The following STARD3NL variants were observed in gnomAD, a reference collection of about 807,000 sequenced individuals.
STARD3NL encodes STARD3 N-terminal-like protein.
Under a neutral mutation model 30.9 loss-of-function variants are expected in STARD3NL, and 17 were observed. That is an observed-to-expected ratio of 0.55 (90% CI 0.38 to 0.82). STARD3NL has a LOEUF of 0.82. Among genes scored for constraint, STARD3NL ranks in the 40% least tolerant of loss-of-function variants. The pLI, the probability that STARD3NL is intolerant of heterozygous loss-of-function variation, is 0.00. For missense variants in STARD3NL, 234 were observed against 277.6 expected, an observed-to-expected ratio of 0.84 and a Z score of 1.12; for synonymous variants, 112 against 100.5, an observed-to-expected ratio of 1.11 and a Z score of -0.69.
In STARD3NL at chr7:38,215,100, A is replaced by G. The variant is rs574853669; in HGVS notation, c.376A>G (p.Ile126Val). Reference sequence around the variant, plus strand: ...GTGCAGACTGCGCCATTGGTGGGCAATAGCGGTGAGTATGCCCTGCATGAG... The same window carrying G: ...GTGCAGACTGCGCCATTGGTGGGCAGTAGCGGTGAGTATGCCCTGCATGAG... The part of the protein sequence containing the change: ...AVCRLRHWWA[I>V]ALTTAVTSAF... The change falls in exon 4 of 9, where the codon ATA becomes GTA. Residue 126 changes from isoleucine to valine, a missense_variant. Physicochemically the swap from Ile to Val is conservative, Grantham distance 29 (BLOSUM62 3). Coordinates refer to ENST00000009041, the MANE Select transcript of STARD3NL (RefSeq NM_032016.4). 6 of 1,613,960 alleles carry G rather than the reference A, an allele frequency of 3.7e-6. No individual in the cohort carries two copies. Among genetic ancestry groups the G allele is most frequent in the East Asian group, 2.2e-5 (1 of 44,886 alleles).
intron 1 of STARD3NL, 62 bp from the exon 2 acceptor site, chr7:38,207,385 G>T (rs1028777424): frequency 1.3e-6 from 1 of 742,500 alleles, no homozygotes; most frequent in Non-Finnish European, 2.2e-6. Flanking sequence ...AGTGGAGAGG[G>T]TTGCACAGTT....
At chr7:38,215,164 C>G in intron 4 of STARD3NL, 59 bp downstream of exon 4, 1 of 1,493,460 alleles carries the variant, frequency 6.7e-7, no homozygotes, top group Non-Finnish European at 9.3e-7. Context: ...AAGTCCTGCT[C>G]TCAACAGGCC....
chr7:38,224,514 A>C (rs942585818), intron 7 of STARD3NL, among the ~76,000 whole-genome samples: 1 of 152,216 alleles, frequency 6.6e-6, no homozygotes, highest in African/African-American at 2.4e-5. Context: ...AGAAATAAAC[A>C]GTCCATAAGT....
chr7:38,208,498 T>C (rs1785617932), intron 2 of STARD3NL, among the ~76,000 whole-genome samples: 1 of 152,246 alleles, frequency 6.6e-6, no homozygotes, highest in South Asian at 2.1e-4. Flanking sequence ...AAACTCATTT[T>C]AATAATATTT....
At chr7:38,223,647 C>G (rs535410152) in intron 7 of STARD3NL, among the ~76,000 whole-genome samples, 4 of 152,196 alleles carry the variant, frequency 2.6e-5, no homozygotes, top group South Asian at 2.1e-4. Flanking sequence ...GCCCTTGTAT[C>G]TCTCAGCAGT....
At chr7:38,204,589 A>G (rs1331106229) in intron 1 of STARD3NL, among the ~76,000 whole-genome samples, 1 of 152,224 alleles carries the variant, frequency 6.6e-6, no homozygotes, top group Non-Finnish European at 1.5e-5. Flanking sequence ...GAGAAGCAAG[A>G]GCAAACACAT....
intron 1 of STARD3NL, among the ~76,000 whole-genome samples, chr7:38,192,697 T>G (rs1784735061): frequency 6.6e-6 from 1 of 152,202 alleles, no homozygotes; most frequent in African/African-American, 2.4e-5. Flanking sequence ...AAATTTAATT[T>G]GCTTCTCTAA....
intron 7 of STARD3NL, among the ~76,000 whole-genome samples, chr7:38,224,366 T>G (rs1583832093): frequency 6.6e-6 from 1 of 152,246 alleles, no homozygotes; most frequent in African/African-American, 2.4e-5. Flanking sequence ...TTTAACTTTT[T>G]TTAAAATTGT....
intron 7 of STARD3NL, among the ~76,000 whole-genome samples, chr7:38,227,612 G>A (rs1231889287): frequency 1.3e-5 from 2 of 152,066 alleles, no homozygotes; most frequent in Non-Finnish European, 2.9e-5. Context: ...CAGCTTTTAC[G>A]TGTGAATTGA....
At chr7:38,182,895 T>C (rs920778620) in intron 1 of STARD3NL, among the ~76,000 whole-genome samples, 1 of 152,202 alleles carries the variant, frequency 6.6e-6, no homozygotes, top group African/African-American at 2.4e-5. Flanking sequence ...TTTGGAGGAA[T>C]CTGGCCCAGG....
chr7:38,224,051 G>C (rs1440684001), intron 7 of STARD3NL, among the ~76,000 whole-genome samples: 1 of 152,152 alleles, frequency 6.6e-6, no homozygotes, highest in Non-Finnish European at 1.5e-5. Context: ...TAAATGTAGT[G>C]ATATGATACA....
intron 1 of STARD3NL, among the ~76,000 whole-genome samples, chr7:38,191,759 C>T (rs959651362): frequency 9.9e-5 from 15 of 152,092 alleles, no homozygotes; most frequent in African/African-American, 4.8e-5. Context: ...TATTCTTATG[C>T]TAGTACCATA....
intron 2 of STARD3NL, among the ~76,000 whole-genome samples, chr7:38,212,137 T>C (rs1199614896): frequency 2.0e-5 from 3 of 152,184 alleles, no homozygotes; most frequent in African/African-American, 7.2e-5. Flanking sequence ...TCAGATCATG[T>C]CACTTTCTGT....
chr7:38,188,263 A>C (rs1053501914), intron 1 of STARD3NL, among the ~76,000 whole-genome samples: 3 of 152,138 alleles, frequency 2.0e-5, no homozygotes, highest in Non-Finnish European at 4.4e-5. Context: ...ACTTGGCTGC[A>C]GCTTCGCTGG....
intron 1 of STARD3NL, among the ~76,000 whole-genome samples, chr7:38,206,704 T>G (rs1185317302): frequency 1.3e-5 from 2 of 152,206 alleles, no homozygotes; most frequent in African/African-American, 4.8e-5. Flanking sequence ...AAATGCTAAC[T>G]AACTTTAGTT....
At chr7:38,184,102 T>G (rs914389832) in intron 1 of STARD3NL, among the ~76,000 whole-genome samples, 2 of 152,188 alleles carry the variant, frequency 1.3e-5, no homozygotes, top group Admixed American at 6.5e-5. Context: ...GTGAAACATG[T>G]GAAAGACTGG....
At chr7:38,197,730 T>C (rs1242932800) in intron 1 of STARD3NL, among the ~76,000 whole-genome samples, 2 of 152,220 alleles carry the variant, frequency 1.3e-5, no homozygotes, top group Non-Finnish European at 2.9e-5. Flanking sequence ...TGTCTTGCTG[T>C]GTTTTAGTAC....
chr7:38,203,797 A>T (rs1785301520), intron 1 of STARD3NL, among the ~76,000 whole-genome samples: 1 of 152,176 alleles, frequency 6.6e-6, no homozygotes, highest in Admixed American at 6.5e-5. Flanking sequence ...AACCAAGCAA[A>T]TGGAAAACAA....
intron 1 of STARD3NL, among the ~76,000 whole-genome samples, chr7:38,205,129 A>G (rs967659215): frequency 6.6e-6 from 1 of 152,124 alleles, no homozygotes; most frequent in Non-Finnish European, 1.5e-5. Flanking sequence ...CTCCCTAACT[A>G]ATTTTATGAG....
Sources: gnomAD v4.1 joint callset for allele counts (sites outside exome capture counted in the v4.1 genomes callset) on GRCh38, gnomAD v4.1.1 for gene constraint, MANE v1.5 for transcripts, NCBI Gene and HGNC (gene_info 2026-07-23, HGNC 2026-07-21) for gene names.